The following NDEL1 variants were observed in gnomAD, a reference collection of about 807,000 sequenced individuals.
NDEL1 encodes the protein nuclear distribution protein nudE-like 1.
NDEL1 carries 9 observed loss-of-function variants against 45.7 expected under a neutral mutation model. The ratio of observed to expected loss-of-function variants is 0.20; its 90% CI spans 0.12 to 0.34. The LOEUF (loss-of-function observed/expected upper bound fraction) is 0.34, where lower values mean the gene tolerates loss of function less well. Ranked by LOEUF, NDEL1 falls within the 10% of genes least tolerant of loss-of-function variation. The pLI, the probability that NDEL1 is intolerant of heterozygous loss-of-function variation, is 1.00. For missense variants in NDEL1, 306 were observed against 406.2 expected, an observed-to-expected ratio of 0.75 and a Z score of 2.12; for synonymous variants, 133 against 158.6, an observed-to-expected ratio of 0.84 and a Z score of 1.21.
At chr17:8,440,968 C>T (rs1597529111) in intron 1 of NDEL1, among the ~76,000 whole-genome samples, 2 of 152,050 alleles carry the variant, frequency 1.3e-5, no homozygotes, top group Non-Finnish European at 2.9e-5. Flanking sequence ...AAGAATTGGC[C>T]CCACATTCAA....
chr17:8,463,647 C>G (rs565258362), intron 8 of NDEL1, among the ~76,000 whole-genome samples: 1 of 152,342 alleles, frequency 6.6e-6, no homozygotes, highest in Non-Finnish European at 1.5e-5. Flanking sequence ...ATTTCAGAGT[C>G]TGGCGATGGG....
chr17:8,446,911 A>G lies in NDEL1; in HGVS notation c.389+9A>G. Reference sequence around the variant, plus strand: ...CTGGAGCGAGCCAAAAGGTAAACGAATGACTGCATTTTGTTAGAAAAAAAC... The same window carrying G: ...CTGGAGCGAGCCAAAAGGTAAACGAGTGACTGCATTTTGTTAGAAAAAAAC... On this transcript the variant is annotated intron_variant, in intron 4 of 8. Transcript: ENST00000334527. 1 of 1,612,988 alleles carries G rather than the reference A, an allele frequency of 6.2e-7. No homozygotes were observed. Among genetic ancestry groups the G allele is most frequent in the Non-Finnish European group, 8.5e-7 (1 of 1,179,352 alleles).
chr17:8,427,762 G>A (rs1488003369), intron 1 of NDEL1, among the ~76,000 whole-genome samples: 1 of 152,086 alleles, frequency 6.6e-6, no homozygotes, highest in Non-Finnish European at 1.5e-5. Context: ...CTTGGAGGGG[G>A]AAATTAATCT....
chr17:8,452,736 TTC>T (rs1376460693), intron 6 of NDEL1, among the ~76,000 whole-genome samples: 2 of 61,762 alleles, frequency 3.2e-5, no homozygotes, highest in South Asian at 1.7e-3. Flanking sequence ...TTTCTTTTTC[TTC>T]TCTTTTTTTT....
intron 1 of NDEL1, among the ~76,000 whole-genome samples, chr17:8,441,109 T>G (rs944430884): frequency 3.3e-5 from 5 of 152,150 alleles, no homozygotes; most frequent in African/African-American, 1.2e-4. Context: ...GAAAGAGTAC[T>G]GAAAACTCAA....
At chr17:8,424,945 G>C (rs953669354) in intron 1 of NDEL1, among the ~76,000 whole-genome samples, 2 of 152,168 alleles carry the variant, frequency 1.3e-5, no homozygotes, top group African/African-American at 4.8e-5. Flanking sequence ...GGGATTATAG[G>C]CGTGAACCCC....
intron 1 of NDEL1, among the ~76,000 whole-genome samples, chr17:8,424,475 CTTTGTTT>C (rs1203630813): frequency 1.3e-5 from 2 of 152,122 alleles, no homozygotes; most frequent in Non-Finnish European, 2.9e-5. Flanking sequence ...AAGGTTGCAC[CTTTGTTT>C]TTTGTTTTGT....
upstream of NDEL1, chr17:8,435,833 T>G (rs1567724713): frequency 4.5e-6 from 2 of 444,336 alleles, no homozygotes; most frequent in East Asian, 7.6e-5. Context: ...CTGCCGCGCA[T>G]GCTCCGAGCC....
intron 1 of NDEL1, among the ~76,000 whole-genome samples, chr17:8,419,057 C>G (rs2151692596): frequency 6.6e-6 from 1 of 151,884 alleles, no homozygotes; most frequent in African/African-American, 2.4e-5. Context: ...GCCATGTTGC[C>G]CTGGATGATT....
chr17:8,419,351 T>C (rs1216099338), intron 1 of NDEL1, among the ~76,000 whole-genome samples: 2 of 152,200 alleles, frequency 1.3e-5, no homozygotes, highest in East Asian at 1.9e-4. Context: ...CACTTATAAA[T>C]ATATCCAGTC....
At chr17:8,462,618 A>AC (rs1822901844) in intron 8 of NDEL1, among the ~76,000 whole-genome samples, 1 of 152,210 alleles carries the variant, frequency 6.6e-6, no homozygotes, top group Non-Finnish European at 1.5e-5. Context: ...GTCTGTGTAG[A>AC]AGTGGAGAAG....
chr17:8,471,734 A>G (rs537204272), downstream of NDEL1, among the ~76,000 whole-genome samples: 4 of 152,336 alleles, frequency 2.6e-5, no homozygotes, highest in African/African-American at 9.6e-5. Flanking sequence ...ATAGCTTCAT[A>G]TAAGATTCCC....
intron 1 of NDEL1, among the ~76,000 whole-genome samples, chr17:8,424,540 C>T (rs1021408485): frequency 3.3e-5 from 5 of 152,356 alleles, no homozygotes; most frequent in South Asian, 4.1e-4. Context: ...CTTGTTCTGT[C>T]GCCCAGGCTG....
intron 6 of NDEL1, among the ~76,000 whole-genome samples, chr17:8,453,847 A>G (rs4791704): frequency 0.94 from 143,410 of 152,232 alleles, 68,132 homozygotes; most frequent in East Asian, 1. Flanking sequence ...ATCTCAAAAT[A>G]TATTTTAACA....
intron 6 of NDEL1, among the ~76,000 whole-genome samples, chr17:8,451,298 T>C (rs1910492220): frequency 6.6e-6 from 1 of 152,228 alleles, no homozygotes; most frequent in African/African-American, 2.4e-5. Context: ...TCTTACCACT[T>C]ACAGGCACCC....
rs1011329994 is a variant in NDEL1 at position 8,426,626 on chromosome 17, T to C, written c.-13+13357T>C. Among the ~76,000 whole-genome samples, 7 of 152,136 alleles carry C rather than the reference T, an allele frequency of 4.6e-5. No individual in the cohort carries two copies. The East Asian group carries it at 5.8e-4, about 13-fold the overall frequency. Reference sequence around the variant, plus strand: ...TGGTCGGGATGAGAGCCAAGGATGATAGTGAAGCCTGAAGCTTGGGGAAGT... The same window carrying C: ...TGGTCGGGATGAGAGCCAAGGATGACAGTGAAGCCTGAAGCTTGGGGAAGT... On this transcript the variant is annotated intron_variant, in intron 1 of 4. Transcript: ENST00000582812.
At chr17:8,463,253 A>C in intron 8 of NDEL1, 2 of 1,398,010 alleles carry the variant, frequency 1.4e-6, no homozygotes, top group Non-Finnish European at 2.0e-6. Context: ...GCATGGACTA[A>C]TTTTAGGGCG....
intron 1 of NDEL1, among the ~76,000 whole-genome samples, chr17:8,425,486 G>A (rs1394938522): frequency 6.6e-6 from 1 of 151,946 alleles, no homozygotes; most frequent in Non-Finnish European, 1.5e-5. Context: ...AGAGGCTGAG[G>A]TCGGGGGATC....
rs1567734701 is a variant in NDEL1 at position 8,449,736 on chromosome 17, A to ACTCCTT, written c.527-1044_527-1043insCTCCTT. 9.1e-3 allele frequency among the ~76,000 whole-genome samples: 1,392 copies of ACTCCTT among 152,310 alleles called. 19 individuals carry two copies. Among genetic ancestry groups the ACTCCTT allele is most frequent in the African/African-American group, 0.031 (1,284 of 41,540 alleles). On this transcript the variant is annotated intron_variant, in intron 5 of 8. Transcript: ENST00000334527. ...AAATTTCCTTCTTTTTTAAGGCTGA[A>ACTCCTT]TGATACTCCATTGTATGTATTCATT... is the stretch of plus-strand genomic sequence containing the variant.
Sources: allele counts gnomAD v4.1 joint callset (sites outside exome capture counted in the v4.1 genomes callset), GRCh38; gene constraint gnomAD v4.1.1; transcripts MANE v1.5; gene names NCBI Gene and HGNC (gene_info 2026-07-23, HGNC 2026-07-21).